The following SPRED2 variants were observed in gnomAD, a reference collection of about 807,000 sequenced individuals.
SPRED2 encodes the protein sprouty related EVH1 domain containing 2.
SPRED2 carries 47 observed loss-of-function variants against 43.0 expected under a neutral mutation model. The ratio of observed to expected loss-of-function variants is 1.09; its 90% CI spans 0.87 to 1.40. The LOEUF is 1.40. Among genes scored for constraint, SPRED2 ranks in the 40% most tolerant of loss-of-function variants. SPRED2 has a pLI of 0.00. For missense variants in SPRED2, 561 were observed against 586.4 expected, an observed-to-expected ratio of 0.96 and a Z score of 0.45; for synonymous variants, 225 against 225.7, an observed-to-expected ratio of 1.00 and a Z score of 0.03.
chr2:65,360,964 G>A (rs556396491), intron 1 of SPRED2, among the ~76,000 whole-genome samples: 3 of 152,280 alleles, frequency 2.0e-5, no homozygotes, highest in African/African-American at 7.2e-5. Flanking sequence ...ATTCACTTTG[G>A]GAGGCCAAAG....
chr2:65,369,028 T>C (rs1323743302), intron 1 of SPRED2, among the ~76,000 whole-genome samples: 1 of 152,076 alleles, frequency 6.6e-6, no homozygotes, highest in Non-Finnish European at 1.5e-5. Flanking sequence ...TAAGCTATGT[T>C]TGCACCACCG....
At chr2:65,401,487 T>C (rs558534102) in intron 1 of SPRED2, among the ~76,000 whole-genome samples, 1 of 151,972 alleles carries the variant, frequency 6.6e-6, no homozygotes, top group East Asian at 1.9e-4. Context: ...CAAAGACTTA[T>C]AAGTAGTGAG....
chr2:65,312,190 A>G lies in SPRED2; in HGVS notation c.*1311T>C. ...CCTCCGTGGCAAGGCGACAGGCAGA[A>G]CCAGTTGGCTGACCTAACCACCTGT... On this transcript the variant is annotated 3_prime_UTR_variant, in exon 6 of 6. Transcript: ENST00000356388. The G allele has an allele frequency of 1.0e-6, 1 of 985,698 alleles. No homozygotes were observed. Among genetic ancestry groups the G allele is most frequent in the Non-Finnish European group, 1.2e-6 (1 of 829,932 alleles). 61.1% of individuals were successfully genotyped at this position (985,698 alleles called of 1,614,324 possible). A position where few individuals can be genotyped will look rare whatever the true frequency, so the allele number is the denominator to read the frequency against.
At chr2:65,423,776 T>C (rs1255429933) in intron 1 of SPRED2, among the ~76,000 whole-genome samples, 1 of 151,940 alleles carries the variant, frequency 6.6e-6, no homozygotes, top group Admixed American at 6.5e-5. Flanking sequence ...TTTATGCTTT[T>C]TTTTTTTTTT....
chr2:65,390,511 A>C (rs1207886336), intron 1 of SPRED2, among the ~76,000 whole-genome samples: 2 of 152,126 alleles, frequency 1.3e-5, no homozygotes, highest in Admixed American at 1.3e-4. Flanking sequence ...GAGATGCAGG[A>C]GGTGGTCAAT....
intron 1 of SPRED2, among the ~76,000 whole-genome samples, chr2:65,380,357 A>G (rs1675343673): frequency 6.6e-6 from 1 of 151,836 alleles, no homozygotes; most frequent in East Asian, 1.9e-4. Flanking sequence ...TCATCCCCAA[A>G]CCCCTGTCAT....
At position 65,312,590 on chromosome 2, in the gene SPRED2, C is replaced by T; in HGVS notation, c.*911G>A. 2.0e-6 allele frequency: 2 copies of T among 985,736 alleles called. No homozygotes were observed. Among genetic ancestry groups the T allele is most frequent in the Non-Finnish European group, 2.4e-6 (2 of 829,908 alleles). 61.1% of individuals were successfully genotyped at this position (985,736 alleles called of 1,614,324 possible). On this transcript the variant is annotated 3_prime_UTR_variant, in exon 6 of 6. Transcript: ENST00000356388. ...ACAACAAGCAAAATTTCTTACTTCA[C>T]TAGTATCCTATTCTAATATTGCTAA... is the stretch of plus-strand genomic sequence containing the variant.
At chr2:65,373,791 G>C (rs929631928) in intron 1 of SPRED2, 4 of 152,076 alleles carry the variant, frequency 2.6e-5, no homozygotes, top group African/African-American at 9.7e-5. Context: ...CGGTAGACTG[G>C]GTTTCTTCAT....
chr2:65,308,613 T>C (rs913582824), downstream of SPRED2: 3 of 972,848 alleles, frequency 3.1e-6, no homozygotes, highest in Admixed American at 1.2e-4. Context: ...ACTAGCATTT[T>C]TGGGGCACCT....
At chr2:65,399,253 G>A (rs1675826964) in intron 1 of SPRED2, among the ~76,000 whole-genome samples, 1 of 139,574 alleles carries the variant, frequency 7.2e-6, no homozygotes, top group South Asian at 2.3e-4. Context: ...TGGTCAACAA[G>A]AGCGAAAATC....
chr2:65,420,626 T>C, intron 1 of SPRED2, among the ~76,000 whole-genome samples: 1 of 152,254 alleles, frequency 6.6e-6, no homozygotes, highest in Middle Eastern at 3.2e-3. Flanking sequence ...TATGTTAAAG[T>C]GTTTAATCAG....
chr2:65,322,854 A>G (rs977265590), intron 4 of SPRED2, among the ~76,000 whole-genome samples: 4 of 152,204 alleles, frequency 2.6e-5, no homozygotes, highest in African/African-American at 9.6e-5. Context: ...TTTTCTGTCT[A>G]CTGAGATGAT....
chr2:65,362,904 G>T (rs1262766658), intron 1 of SPRED2, among the ~76,000 whole-genome samples: 1 of 150,858 alleles, frequency 6.6e-6, no homozygotes, highest in Non-Finnish European at 1.5e-5. Flanking sequence ...GGCTGGGCAC[G>T]GTGGCTCATG....
chr2:65,324,269 G>A (rs576951018), intron 4 of SPRED2, among the ~76,000 whole-genome samples: 28 of 152,246 alleles, frequency 1.8e-4, no homozygotes, highest in African/African-American at 6.7e-4. Context: ...ACAAATGAGA[G>A]CAACTCCATG....
chr2:65,379,348 T>C (rs1368036256), intron 1 of SPRED2, among the ~76,000 whole-genome samples: 1 of 152,124 alleles, frequency 6.6e-6, no homozygotes, highest in African/African-American at 2.4e-5. Context: ...TTGTCATAGC[T>C]GCTGAGTACT....
At chr2:65,392,459 A>G (rs1675662396) in intron 1 of SPRED2, among the ~76,000 whole-genome samples, 1 of 152,226 alleles carries the variant, frequency 6.6e-6, no homozygotes, top group African/African-American at 2.4e-5. Context: ...TACAGGCGTG[A>G]GCCACTAAAC....
In SPRED2 at chr2:65,432,039, A is replaced by T. The variant is rs2103833241; in HGVS notation, c.-52T>A. ...CGCGGCGGGCAGCTTTGCTCCCTTCATCTTCCTGTCCGCTCGCCCCCCTTC... is the reference window on the plus strand; with the variant it reads ...CGCGGCGGGCAGCTTTGCTCCCTTCTTCTTCCTGTCCGCTCGCCCCCCTTC... On this transcript the variant is annotated 5_prime_UTR_variant, in exon 1 of 6. The change abolishes an upstream ATG in the 5' untranslated region. Transcript: ENST00000356388. 1 of 1,611,616 alleles carries T rather than the reference A, an allele frequency of 6.2e-7. No homozygotes were observed. Among genetic ancestry groups the T allele is most frequent in the Non-Finnish European group, 8.5e-7 (1 of 1,178,844 alleles).
rs140325589 is a variant in SPRED2, at chr2:65,364,981, C to T, written c.27-20085G>A. 1.4e-3 allele frequency among the ~76,000 whole-genome samples: 206 copies of T among 152,302 alleles called. 1 individual carries two copies. In the East Asian group the frequency reaches 0.018, roughly 14 times the overall value. Reference sequence around the variant, plus strand: ...ATATGGGTCTTAGTTCAAGCTAACACTTTTAAAGTAGCCTTTCTTTCACAA... The same window carrying T: ...ATATGGGTCTTAGTTCAAGCTAACATTTTTAAAGTAGCCTTTCTTTCACAA... On this transcript the variant is annotated intron_variant, in intron 1 of 5. Transcript: ENST00000356388.
chr2:65,365,914 T>C (rs1674956722), intron 1 of SPRED2, among the ~76,000 whole-genome samples: 1 of 151,920 alleles, frequency 6.6e-6, no homozygotes, highest in Admixed American at 6.6e-5. Context: ...TGCAGAATGA[T>C]CCTTCAGATC....
Sources: gnomAD v4.1 joint callset for allele counts (sites outside exome capture counted in the v4.1 genomes callset) on GRCh38, gnomAD v4.1.1 for gene constraint, MANE v1.5 for transcripts, NCBI Gene and HGNC (gene_info 2026-07-23, HGNC 2026-07-21) for gene names.